TBC1D32: variants seen among roughly 807,000 people sequenced by gnomAD.
TBC1D32 encodes protein broad-minded.
A neutral mutation model predicts 170.3 loss-of-function variants in TBC1D32; 151 were observed. The ratio of observed to expected loss-of-function variants is 0.89; its 90% CI spans 0.78 to 1.01. The LOEUF (loss-of-function observed/expected upper bound fraction) is 1.01. Ranked by LOEUF, TBC1D32 falls within the 50% of genes least tolerant of loss-of-function variation. TBC1D32 has a pLI of 0.00. For missense variants in TBC1D32, 1,464 were observed against 1,457.1 expected (o/e 1.00, Z -0.08); for synonymous variants, 498 against 488.0 (o/e 1.02, Z -0.27).
intron 17 of TBC1D32, 61 bp from the exon 18 acceptor site, chr6:121,242,400 G>C: frequency 2.0e-6 from 3 of 1,535,076 alleles, no homozygotes; most frequent in Non-Finnish European, 2.7e-6. Context: ...AAAACAAAGA[G>C]TATGTCTTAG....
rs142425724 is a variant in TBC1D32, at chr6:121,080,640, G to A, written c.*131C>T. 134 of 1,182,964 alleles carry A rather than the reference G, an allele frequency of 1.1e-4. No individual in the cohort carries two copies. In the East Asian group the frequency reaches 3.2e-3, roughly 29 times the overall value. 73.3% of individuals were successfully genotyped at this position (1,182,964 alleles called of 1,614,324 possible). The stretch of plus-strand genomic sequence containing the variant: ...GAGCTCATACCTACTTAAATATATC[G>A]TTATACTTCTCAGTATTTACAATAT... On this transcript the variant is annotated 3_prime_UTR_variant, in exon 32 of 32. Coordinates refer to ENST00000398212, the MANE Select transcript of TBC1D32 (RefSeq NM_152730.6).
At chr6:121,100,881 G>A (rs889357771) in intron 30 of TBC1D32, among the ~76,000 whole-genome samples, 5 of 151,524 alleles carry the variant, frequency 3.3e-5, no homozygotes, top group East Asian at 1.9e-4. Context: ...TCAAATAGAC[G>A]CAATAAAAAA....
At chr6:121,279,353 AC>A (rs1802674974) in intron 14 of TBC1D32, 108 bp from the exon 15 acceptor site, 2 of 1,248,194 alleles carry the variant, frequency 1.6e-6, no homozygotes, top group South Asian at 1.5e-5. Context: ...TTATATTACA[AC>A]AAAAAACAAG....
At chr6:121,123,210 C>T (rs1451635677) in intron 26 of TBC1D32, among the ~76,000 whole-genome samples, 2 of 152,080 alleles carry the variant, frequency 1.3e-5, no homozygotes, top group South Asian at 2.1e-4. Flanking sequence ...TATGTTCCTT[C>T]TATACCCAAT....
In TBC1D32 at chr6:121,114,082, G is replaced by A. The variant is rs1197819422; in HGVS notation, c.3054-905C>T. Among the ~76,000 whole-genome samples the A allele has an allele frequency of 3.9e-5, 6 of 152,112 alleles. No individual in the cohort carries two copies. In the East Asian group the frequency reaches 1.2e-3, roughly 29 times the overall value. On this transcript the variant is annotated intron_variant, in intron 27 of 31. Transcript: ENST00000398212. The stretch of plus-strand genomic sequence containing the variant: ...CCAGCTACTCAGCAGCCTGAGGCAG[G>A]AGAATCACCTGAACCTGGGAGGCAG...
chr6:121,187,101 A>C (rs1034640194), intron 22 of TBC1D32, among the ~76,000 whole-genome samples: 1 of 152,114 alleles, frequency 6.6e-6, no homozygotes, highest in Non-Finnish European at 1.5e-5. Flanking sequence ...TAGAAAAAAA[A>C]TTGGGGAAGG....
chr6:121,212,158 C>G (rs9375013), intron 21 of TBC1D32, among the ~76,000 whole-genome samples: 1 of 151,826 alleles, frequency 6.6e-6, no homozygotes, highest in African/African-American at 2.4e-5. Context: ...ATATGCCCCC[C>G]CAAGACTGAA....
At chr6:121,192,849 T>C (rs1790244870) in intron 22 of TBC1D32, among the ~76,000 whole-genome samples, 1 of 150,232 alleles carries the variant, frequency 6.7e-6, no homozygotes, top group African/African-American at 2.5e-5. Flanking sequence ...CATCTTTGTC[T>C]GAGGAGACAA....
intron 29 of TBC1D32, among the ~76,000 whole-genome samples, chr6:121,107,618 T>G (rs534226821): frequency 6.6e-6 from 1 of 152,056 alleles, no homozygotes; most frequent in East Asian, 1.9e-4. Flanking sequence ...TATCTTCTTT[T>G]GTGAAATATT....
chr6:121,330,548 T>A (rs968450354), intron 1 of TBC1D32, among the ~76,000 whole-genome samples: 1 of 152,122 alleles, frequency 6.6e-6, no homozygotes, highest in Non-Finnish European at 1.5e-5. Context: ...TAGGTACTTT[T>A]AAAAAAACAA....
intron 22 of TBC1D32, among the ~76,000 whole-genome samples, chr6:121,190,119 C>G (rs920236526): frequency 4.5e-5 from 4 of 89,358 alleles, no homozygotes; most frequent in Non-Finnish European, 1.1e-4. Flanking sequence ...CACACACACA[C>G]ACACACACAC....
intron 21 of TBC1D32, among the ~76,000 whole-genome samples, chr6:121,206,600 G>A (rs934256496): frequency 6.6e-6 from 1 of 152,028 alleles, no homozygotes; most frequent in Non-Finnish European, 1.5e-5. Flanking sequence ...ACAACAACTG[G>A]ACTGTGGGTA....
intron 31 of TBC1D32, among the ~76,000 whole-genome samples, chr6:121,085,114 A>C (rs1048467296): frequency 6.6e-6 from 1 of 151,056 alleles, no homozygotes; most frequent in Non-Finnish European, 1.5e-5. Flanking sequence ...CTCATATAGA[A>C]AGCTCTTGAG....
intron 14 of TBC1D32, among the ~76,000 whole-genome samples, chr6:121,280,386 T>C (rs1017687899): frequency 6.6e-6 from 1 of 151,840 alleles, no homozygotes; most frequent in African/African-American, 2.4e-5. Context: ...GCTAATGATA[T>C]AGTAGAGGTT....
At chr6:121,148,764 C>A (rs1783814383) in intron 24 of TBC1D32, among the ~76,000 whole-genome samples, 3 of 152,116 alleles carry the variant, frequency 2.0e-5, no homozygotes, top group African/African-American at 7.2e-5. Context: ...CAGGCATGTG[C>A]CACCATGCCC....
In TBC1D32 at chr6:121,258,545, A is replaced by G. The variant is rs1583435845; in HGVS notation, c.1734-2260T>C. 2.0e-5 allele frequency among the ~76,000 whole-genome samples: 3 copies of G among 151,950 alleles called. 1 individual carries two copies. In the South Asian group the frequency reaches 6.2e-4, roughly 31 times the overall value. On this transcript the variant is annotated intron_variant, in intron 15 of 31. Transcript: ENST00000398212. ...GTATAATCCTAGATATCTTGTTTCC[A>G]TATCTGTTTCTCCACATTTTTCTCT... is the stretch of plus-strand genomic sequence containing the variant.
At chr6:121,098,624 A>C (rs909514745) in intron 30 of TBC1D32, among the ~76,000 whole-genome samples, 3 of 152,080 alleles carry the variant, frequency 2.0e-5, no homozygotes, top group Non-Finnish European at 4.4e-5. Flanking sequence ...AGGGACCTGA[A>C]GTGAGGCACA....
intron 20 of TBC1D32, 128 bp from the exon 21 acceptor site, chr6:121,223,480 C>A: frequency 4.4e-6 from 3 of 685,422 alleles, no homozygotes; most frequent in Non-Finnish European, 5.2e-6. Context: ...AATTCCCATA[C>A]GTTTGAAATA....
chr6:121,230,325 A>G (rs1168411358), intron 20 of TBC1D32, among the ~76,000 whole-genome samples: 1 of 152,168 alleles, frequency 6.6e-6, no homozygotes, highest in Admixed American at 6.6e-5. Context: ...CCATTTATTG[A>G]GTGCCTACTA....
Sources: allele counts gnomAD v4.1 joint callset (sites outside exome capture counted in the v4.1 genomes callset), GRCh38; gene constraint gnomAD v4.1.1; transcripts MANE v1.5; gene names NCBI Gene and HGNC (gene_info 2026-07-23, HGNC 2026-07-21).